Variants in SHISA9 observed in about 807,000 individuals in gnomAD.
The protein encoded by SHISA9 is protein shisa-9.
A neutral mutation model predicts 38.0 loss-of-function variants in SHISA9; 13 were observed. The ratio of observed to expected loss-of-function variants is 0.34; its 90% CI spans 0.22 to 0.54. The LOEUF (loss-of-function observed/expected upper bound fraction) is 0.54. Among genes scored for constraint, SHISA9 ranks in the 20% least tolerant of loss-of-function variants. The pLI, the probability that SHISA9 is intolerant of heterozygous loss-of-function variation, is 0.91. For synonymous variants in SHISA9, 275 were observed against 242.0 expected (o/e 1.14, Z -1.27); for missense variants, 538 against 575.8 (o/e 0.93, Z 0.67).
the SHISA9 span, among the ~76,000 whole-genome samples, chr16:13,525,114 T>C: frequency 6.6e-6 from 1 of 152,304 alleles, no homozygotes; most frequent in East Asian, 1.9e-4. Context: ...TCACCGTAGT[T>C]TCCAAGACGT....
At chr16:13,538,656 A>G in the SHISA9 span, among the ~76,000 whole-genome samples, 2 of 152,204 alleles carry the variant, frequency 1.3e-5, no homozygotes, top group Non-Finnish European at 2.9e-5. Context: ...ACCAAGAAAC[A>G]AGATGAAAAA....
At chr16:12,973,685 C>A (rs1399336625) in intron 2 of SHISA9, among the ~76,000 whole-genome samples, 2 of 152,116 alleles carry the variant, frequency 1.3e-5, no homozygotes, top group African/African-American at 4.8e-5. Flanking sequence ...AACCACTCTA[C>A]CTACTAGTGA....
the SHISA9 span, among the ~76,000 whole-genome samples, chr16:13,528,452 C>CTCTG: frequency 6.6e-6 from 1 of 151,948 alleles, no homozygotes; most frequent in African/African-American, 2.4e-5. Flanking sequence ...GGAGCATGTA[C>CTCTG]TCTGAACGTG....
chr16:12,939,464 T>C (rs937202862), intron 2 of SHISA9, among the ~76,000 whole-genome samples: 3 of 152,208 alleles, frequency 2.0e-5, no homozygotes, highest in Non-Finnish European at 4.4e-5. Flanking sequence ...ATACAACCCT[T>C]GTGTGCACTG....
the SHISA9 span, among the ~76,000 whole-genome samples, chr16:13,285,462 G>GTTTTTTTTTTTTTTTTTTTTTT: frequency 1.0e-5 from 1 of 95,788 alleles, no homozygotes; most frequent in African/African-American, 4.2e-5. Flanking sequence ...TTCAGGTGTA[G>GTTTTTTTTTTTTTTTTTTTTTT]TTTTTTTTTT....
chr16:13,304,981 T>C, the SHISA9 span, among the ~76,000 whole-genome samples: 1 of 152,232 alleles, frequency 6.6e-6, no homozygotes, highest in South Asian at 2.1e-4. Context: ...TATGCTAGGC[T>C]GATCCTAAAA....
At position 13,180,193 on chromosome 16, in the gene SHISA9, A is replaced by G. The variant is rs141015290; in HGVS notation, c.692-23201A>G. Reference sequence around the variant, plus strand: ...TCTACACTTTCAATACTTGGCTCCTATGAAAAGGTATAGATATATTCAGAG... The same window carrying G: ...TCTACACTTTCAATACTTGGCTCCTGTGAAAAGGTATAGATATATTCAGAG... On this transcript the variant is annotated intron_variant, in intron 2 of 4. Transcript: ENST00000558583. 1.1e-4 allele frequency among the ~76,000 whole-genome samples: 17 copies of G among 152,362 alleles called. No individual in the cohort carries two copies. In the East Asian group the frequency reaches 3.3e-3, roughly 29 times the overall value.
At chr16:13,032,730 G>T (rs550968617) in intron 2 of SHISA9, among the ~76,000 whole-genome samples, 7 of 152,102 alleles carry the variant, frequency 4.6e-5, no homozygotes, top group Admixed American at 1.3e-4. Flanking sequence ...AAAGCAGAAA[G>T]GTCCTGAATT....
At chr16:13,245,181 T>C (rs943152964), downstream of SHISA9, among the ~76,000 whole-genome samples, 1 of 152,178 alleles carries the variant, frequency 6.6e-6, no homozygotes, top group Admixed American at 6.5e-5. Flanking sequence ...CCTCCCAAAG[T>C]GCTGGGATTA....
chr16:13,092,810 G>T (rs973659823), intron 2 of SHISA9, among the ~76,000 whole-genome samples: 26 of 152,120 alleles, frequency 1.7e-4, no homozygotes, highest in African/African-American at 6.3e-4. Flanking sequence ...GCTTCAGCTT[G>T]CCCTCCTTGG....
chr16:13,190,525 G>T (rs1234379826), intron 2 of SHISA9, among the ~76,000 whole-genome samples: 1 of 152,200 alleles, frequency 6.6e-6, no homozygotes, highest in African/African-American at 2.4e-5. Flanking sequence ...ATACAGATGA[G>T]CAAGGCCCCC....
chr16:13,256,744 A>G, the SHISA9 span, among the ~76,000 whole-genome samples: 1 of 152,226 alleles, frequency 6.6e-6, no homozygotes, highest in Non-Finnish European at 1.5e-5. Flanking sequence ...GAGTGAGGAA[A>G]TGAATGAATA....
At chr16:13,064,330 G>A (rs1395276313) in intron 2 of SHISA9, among the ~76,000 whole-genome samples, 1 of 152,184 alleles carries the variant, frequency 6.6e-6, no homozygotes, top group Non-Finnish European at 1.5e-5. Flanking sequence ...TCAGAGACAG[G>A]TGACCTTGCT....
At chr16:12,906,300 C>T (rs1263075822) in intron 1 of SHISA9, among the ~76,000 whole-genome samples, 2 of 152,144 alleles carry the variant, frequency 1.3e-5, no homozygotes, top group Non-Finnish European at 2.9e-5. Context: ...TTGTCGCACC[C>T]CCATTATAAA....
At chr16:13,219,141 G>A (rs191784424) in intron 4 of SHISA9, among the ~76,000 whole-genome samples, 23 of 152,270 alleles carry the variant, frequency 1.5e-4, no homozygotes, top group East Asian at 3.9e-4. Flanking sequence ...AAATGAATGC[G>A]CAAAGAGGGT....
the SHISA9 span, among the ~76,000 whole-genome samples, chr16:13,305,550 G>A: frequency 6.6e-6 from 1 of 152,300 alleles, no homozygotes; most frequent in South Asian, 2.1e-4. Context: ...CTGGAATCCA[G>A]TTGCACTGTT....
intron 2 of SHISA9, among the ~76,000 whole-genome samples, chr16:13,187,536 T>C (rs1211457848): frequency 1.3e-5 from 2 of 151,910 alleles, no homozygotes; most frequent in African/African-American, 2.4e-5. Context: ...GGTTTCCCCA[T>C]GTTGGCCAGG....
chr16:13,388,520 C>T, the SHISA9 span, among the ~76,000 whole-genome samples: 6,332 of 151,970 alleles, frequency 0.042, 276 homozygotes, highest in African/African-American at 0.11. Context: ...CCATGTTGGC[C>T]GGGCTACCTT....
the SHISA9 span, among the ~76,000 whole-genome samples, chr16:13,300,531 G>C: frequency 2.0e-5 from 3 of 152,124 alleles, no homozygotes; most frequent in African/African-American, 7.2e-5. Flanking sequence ...TTGGGAATTG[G>C]AGGCCCTTTA....
Sources: allele counts gnomAD v4.1 joint callset (sites outside exome capture counted in the v4.1 genomes callset), GRCh38; gene constraint gnomAD v4.1.1; transcripts MANE v1.5; gene names NCBI Gene and HGNC (gene_info 2026-07-23, HGNC 2026-07-21).